Variants in SBF2 observed in about 807,000 individuals in gnomAD.
The protein encoded by SBF2 is SET binding factor 2.
SBF2 carries 112 observed loss-of-function variants against 225.2 expected under a neutral mutation model. The observed-to-expected ratio is 0.50, with a 90% CI of 0.43 to 0.58. The LOEUF is 0.58. SBF2 is among the 20% of genes least tolerant of loss of function. The pLI is 0.00. For missense variants in SBF2, 1,996 were observed against 2,206.2 expected, an observed-to-expected ratio of 0.90 and a Z score of 1.91; for synonymous variants, 763 against 773.3, an observed-to-expected ratio of 0.99 and a Z score of 0.22.
At chr11:10,202,210 T>C (rs892181122) in intron 1 of SBF2, among the ~76,000 whole-genome samples, 2 of 152,178 alleles carry the variant, frequency 1.3e-5, no homozygotes, top group Non-Finnish European at 2.9e-5. Context: ...TACATCAACA[T>C]TTAAGAAAAG....
Position 9,789,347 on chromosome 11 carries a change from TAAAGA to T in SBF2, c.4699-10_4699-6del. ...GTTTACATTGGGCTTTAGAGCCTGT[TAAAGA>T]AAACAGAAATATAGTTTCATCTTGA... On this transcript the variant is annotated splice_region_variant and splice_polypyrimidine_tract_variant and intron_variant, in intron 34 of 39. Transcript: ENST00000256190. The T allele has an allele frequency of 6.2e-7, 1 of 1,606,746 alleles. No individual in the cohort carries two copies. The highest frequency in any genetic ancestry group is 8.5e-7 in the Non-Finnish European group (1 of 1,173,300).
Position 10,257,598 on chromosome 11 carries a change from G to T in SBF2, c.55+36417C>A, listed in dbSNP as rs146815695. On this transcript the variant is annotated intron_variant, in intron 1 of 39. Transcript: ENST00000256190. The stretch of plus-strand genomic sequence containing the variant: ...GAAGATCACCTGAGCCCAGGAAGTA[G>T]AGGCTGCAGTGAAATACGATAGCAT... Among the ~76,000 whole-genome samples, 123 of 144,918 alleles carry T rather than the reference G, an allele frequency of 8.5e-4. No individual in the cohort carries two copies. In the Middle Eastern group the frequency reaches 0.011, roughly 13 times the overall value.
rs1438321301 is a variant in SBF2, at chr11:10,178,143, T to G, written c.141+15759A>C. ...GCTGGGAAAACTGGCTAGCCATATG[T>G]AGAAAGCTGAAACTGGATCCCTTCC... is the stretch of plus-strand genomic sequence containing the variant. On this transcript the variant is annotated intron_variant, in intron 2 of 39. Transcript: ENST00000256190. Among the ~76,000 whole-genome samples the G allele has an allele frequency of 8.2e-5, 12 of 147,044 alleles. 1 individual carries two copies. The highest frequency in any genetic ancestry group is 1.8e-4 in the Non-Finnish European group (12 of 66,952).
chr11:10,093,397 C>CCA (rs1555020657), intron 2 of SBF2, among the ~76,000 whole-genome samples: 3 of 137,306 alleles, frequency 2.2e-5, no homozygotes, highest in African/African-American at 2.7e-5. Context: ...AAAAAAAAAA[C>CCA]AAAAAAAAAT....
At chr11:10,196,668 G>A (rs73415081) in intron 1 of SBF2, among the ~76,000 whole-genome samples, 1,619 of 151,512 alleles carry the variant, frequency 0.011, 35 homozygotes, top group African/African-American at 0.037. Flanking sequence ...GTAAGCCACC[G>A]TACCCAGCCC....
intron 1 of SBF2, among the ~76,000 whole-genome samples, chr11:10,229,104 A>G (rs1691112001): frequency 6.6e-6 from 1 of 152,132 alleles, no homozygotes; most frequent in Admixed American, 6.5e-5. Flanking sequence ...TTATTTGTGT[A>G]GAGGTGTTTA....
intron 1 of SBF2, among the ~76,000 whole-genome samples, chr11:10,267,822 G>A (rs1962140081): frequency 6.6e-6 from 1 of 151,954 alleles, no homozygotes; most frequent in Admixed American, 6.6e-5. Context: ...GGAGTAATAT[G>A]GTTTTTTAGT....
Position 9,992,440 on chromosome 11 carries a change from T to C in SBF2, c.1271A>G (p.Tyr424Cys). The C allele has an allele frequency of 4.3e-6, 7 of 1,613,098 alleles. No homozygotes were observed. Among genetic ancestry groups the C allele is most frequent in the Middle Eastern group, 1.7e-4 (1 of 6,054 alleles). The change falls in exon 12 of 40, where the codon TAT becomes TGT. Residue 424 changes from tyrosine (Y) to cysteine (C), a missense_variant. Coordinates refer to ENST00000256190, the MANE Select transcript of SBF2 (RefSeq NM_030962.4). The part of the protein sequence containing the change: ...AGFVSERGPP[Y>C]RSCDLFDELV... ...CTCATCAAAGAGATCACAAGATCTATAAGGAGGACCTCTTTCTGAAACAAA... is the reference window on the plus strand; with the variant it reads ...CTCATCAAAGAGATCACAAGATCTACAAGGAGGACCTCTTTCTGAAACAAA...
intron 6 of SBF2, among the ~76,000 whole-genome samples, chr11:10,023,178 G>A (rs993981272): frequency 1.3e-5 from 2 of 151,886 alleles, no homozygotes; most frequent in African/African-American, 4.8e-5. Flanking sequence ...AAGATAAATT[G>A]TTCTTTATCA....
At chr11:9,959,646 C>A in intron 16 of SBF2, 1 of 751,242 alleles carries the variant, frequency 1.3e-6, no homozygotes, top group Non-Finnish European at 2.5e-6. Context: ...CTCTTCCACA[C>A]GCTTGGGTTC....
chr11:9,837,712 T>C (rs1055475927), intron 26 of SBF2, among the ~76,000 whole-genome samples: 4 of 151,720 alleles, frequency 2.6e-5, no homozygotes, highest in Non-Finnish European at 4.4e-5. Flanking sequence ...TATATACTTG[T>C]ATATTAGATT....
intron 2 of SBF2, among the ~76,000 whole-genome samples, chr11:10,102,380 A>T (rs1418762623): frequency 6.6e-6 from 1 of 152,226 alleles, no homozygotes; most frequent in African/African-American, 2.4e-5. Flanking sequence ...CATCAAAAAT[A>T]AAAGTTGCTA....
intron 2 of SBF2, among the ~76,000 whole-genome samples, chr11:10,127,410 TAA>T (rs751890336): frequency 1.3e-5 from 2 of 152,104 alleles, no homozygotes; most frequent in Non-Finnish European, 2.9e-5. Context: ...CACAATATTC[TAA>T]AAGAGTCATG....
intron 15 of SBF2, among the ~76,000 whole-genome samples, chr11:9,963,384 G>C (rs1246678953): frequency 6.6e-6 from 1 of 152,140 alleles, no homozygotes; most frequent in East Asian, 1.9e-4. Flanking sequence ...AGAATCGCTT[G>C]AACTTGGGAC....
At position 9,841,361 on chromosome 11, in the gene SBF2, G is replaced by A. The variant is rs78041812; in HGVS notation, c.3256+1264C>T. On this transcript the variant is annotated intron_variant, in intron 25 of 39. Coordinates refer to ENST00000256190, the MANE Select transcript of SBF2 (RefSeq NM_030962.4). Reference sequence around the variant, plus strand: ...AGAAGAGTCAATAGTGATGGGTAGCGATAATATTTTTATGGTTTGACACAT... The same window carrying A: ...AGAAGAGTCAATAGTGATGGGTAGCAATAATATTTTTATGGTTTGACACAT... Among the ~76,000 whole-genome samples the A allele has an allele frequency of 4.2e-4, 64 of 152,234 alleles. No homozygotes were observed. In the East Asian group the frequency reaches 0.012, roughly 28 times the overall value.
At chr11:10,294,278 T>G, upstream of SBF2, 1 of 376,070 alleles carries the variant, frequency 2.7e-6, no homozygotes, top group South Asian at 1.2e-4. Flanking sequence ...CTGGCTCGGC[T>G]GCCCCAAGCC....
intron 16 of SBF2, among the ~76,000 whole-genome samples, chr11:9,918,309 A>G (rs1863285215): frequency 6.6e-6 from 1 of 151,366 alleles, no homozygotes; most frequent in South Asian, 2.1e-4. Context: ...CCATCCTCCT[A>G]TTTTTAGCTT....
intron 25 of SBF2, 47 bp from the exon 26 acceptor site, chr11:9,839,743 A>G (rs1361720814): frequency 1.4e-5 from 21 of 1,543,022 alleles, no homozygotes; most frequent in Non-Finnish European, 8.9e-7. Flanking sequence ...GCTCAAAGCA[A>G]TTGAGGTCTT....
intron 6 of SBF2, among the ~76,000 whole-genome samples, chr11:10,003,150 T>C (rs895606891): frequency 6.6e-6 from 1 of 152,224 alleles, no homozygotes; most frequent in African/African-American, 2.4e-5. Flanking sequence ...CTCCGCAATT[T>C]AATGATAGGG....
Sources: allele counts gnomAD v4.1 joint callset (sites outside exome capture counted in the v4.1 genomes callset), GRCh38; gene constraint gnomAD v4.1.1; transcripts MANE v1.5; gene names NCBI Gene and HGNC (gene_info 2026-07-23, HGNC 2026-07-21).